FOXP1: variants seen among roughly 807,000 people sequenced by gnomAD.
FOXP1 encodes forkhead box protein P1.
Under a neutral mutation model 98.2 loss-of-function variants are expected in FOXP1, and 15 were observed. The ratio of observed to expected loss-of-function variants is 0.15; its 90% CI spans 0.10 to 0.24. FOXP1 has a LOEUF of 0.24. FOXP1 is among the 10% of genes least tolerant of loss of function. The pLI is 1.00. For missense variants in FOXP1, 633 were observed against 848.5 expected (o/e 0.75, Z 3.15); for synonymous variants, 371 against 314.5 (o/e 1.18, Z -1.90).
At chr3:71,445,672 TCAATA>T (rs956945633) in intron 3 of FOXP1, among the ~76,000 whole-genome samples, 1 of 150,606 alleles carries the variant, frequency 6.6e-6, no homozygotes, top group Admixed American at 6.6e-5. Flanking sequence ...TAAATATCTA[TCAATA>T]GATATTTATA....
chr3:71,183,482 G>C (rs1306797392), intron 6 of FOXP1, among the ~76,000 whole-genome samples: 1 of 152,132 alleles, frequency 6.6e-6, no homozygotes, highest in Non-Finnish European at 1.5e-5. Flanking sequence ...CTGGGCGACA[G>C]AGTAACACCC....
chr3:71,115,897 T>C lies in FOXP1; in HGVS notation c.181-3260A>G, dbSNP rs1236321865. The stretch of plus-strand genomic sequence containing the variant: ...GACTACAGGCACCTGCCACCATGCC[T>C]TGCTAGCTTTTGTATTTTTAGTAGA... On this transcript the variant is annotated intron_variant, in intron 6 of 20. Coordinates refer to ENST00000649528, the MANE Select transcript of FOXP1 (RefSeq NM_001349338.3). Among the ~76,000 whole-genome samples the C allele has an allele frequency of 2.6e-5, 4 of 152,084 alleles. No individual in the cohort carries two copies. In the East Asian group the frequency reaches 7.8e-4, roughly 30 times the overall value.
At chr3:71,446,649 A>C (rs1560499726) in intron 3 of FOXP1, among the ~76,000 whole-genome samples, 3 of 152,260 alleles carry the variant, frequency 2.0e-5, no homozygotes, top group African/African-American at 7.2e-5. Context: ...TCATGTTCTT[A>C]CAATTCACTC....
intron 5 of FOXP1, among the ~76,000 whole-genome samples, chr3:71,236,633 G>A (rs1165877376): frequency 6.6e-6 from 1 of 152,188 alleles, no homozygotes; most frequent in East Asian, 1.9e-4. Flanking sequence ...ACTTTGGGAG[G>A]ACAAGGCAGG....
At chr3:71,164,046 C>T (rs1423896952) in intron 6 of FOXP1, among the ~76,000 whole-genome samples, 1 of 152,126 alleles carries the variant, frequency 6.6e-6, no homozygotes, top group South Asian at 2.1e-4. Context: ...AGCTCAATCC[C>T]ATGCCATCAG....
chr3:70,984,348 TTAC>T (rs1397144309), intron 14 of FOXP1, among the ~76,000 whole-genome samples: 1 of 152,240 alleles, frequency 6.6e-6, no homozygotes, highest in Non-Finnish European at 1.5e-5. Flanking sequence ...GGCTGACCTC[TTAC>T]CATTTCTTCC....
At chr3:71,279,189 A>G (rs528092245) in intron 5 of FOXP1, among the ~76,000 whole-genome samples, 28 of 151,726 alleles carry the variant, frequency 1.8e-4, no homozygotes, top group East Asian at 1.7e-3. Context: ...AAAAAAAAAA[A>G]AAAAGAAAGA....
intron 7 of FOXP1, among the ~76,000 whole-genome samples, chr3:71,101,251 T>C (rs964583820): frequency 5.9e-5 from 9 of 152,118 alleles, no homozygotes; most frequent in Non-Finnish European, 1.3e-4. Flanking sequence ...GGATTAGAGA[T>C]ACTGAAATTC....
chr3:71,306,631 C>CAAAAAA (rs66479255), intron 4 of FOXP1, among the ~76,000 whole-genome samples: 4 of 42,832 alleles, frequency 9.3e-5, no homozygotes, highest in African/African-American at 1.7e-4. Flanking sequence ...GAGAATAAGC[C>CAAAAAA]AAAAAAAAAA....
chr3:71,462,911 C>A (rs2088291115), intron 3 of FOXP1, among the ~76,000 whole-genome samples: 1 of 152,186 alleles, frequency 6.6e-6, no homozygotes, highest in Non-Finnish European at 1.5e-5. Context: ...CAATGCTATG[C>A]CAAAGACAGC....
intron 17 of FOXP1, 112 bp from the exon 18 acceptor site, chr3:70,972,788 GTAGC>G: frequency 1.9e-6 from 2 of 1,079,518 alleles, no homozygotes; most frequent in South Asian, 1.4e-5. Flanking sequence ...CCCAAGAGCT[GTAGC>G]TACCACCCCC....
rs1491268847 is a variant in FOXP1 at position 71,308,749 on chromosome 3, A to ATATGTGTG, written c.-72-8870_-72-8869insCACACATA. Reference sequence around the variant, plus strand: ...AATTATTATGAAGCATTCTACCACAATGTGTGTGTGTGTGTGTGTGTGTGT... The same window carrying ATATGTGTG: ...AATTATTATGAAGCATTCTACCACAATATGTGTGTGTGTGTGTGTGTGTGTGTGTGTGT... On this transcript the variant is annotated intron_variant, in intron 4 of 20. Coordinates refer to ENST00000649528, the MANE Select transcript of FOXP1 (RefSeq NM_001349338.3). Among the ~76,000 whole-genome samples, 13 of 132,288 alleles carry ATATGTGTG rather than the reference A, an allele frequency of 9.8e-5. No homozygotes were observed. In the East Asian group the frequency reaches 3.0e-3, roughly 31 times the overall value. The allele number at this position is 132,288 out of a possible 152,430, so 86.8% of individuals were successfully genotyped here. A position where few individuals can be genotyped will look rare whatever the true frequency, so the allele number is the denominator to read the frequency against.
intron 3 of FOXP1, among the ~76,000 whole-genome samples, chr3:71,482,290 G>A (rs2090334183): frequency 6.6e-6 from 1 of 151,684 alleles, no homozygotes; most frequent in African/African-American, 2.4e-5. Context: ...AATATCATCT[G>A]AGAAGCCAGA....
intron 4 of FOXP1, among the ~76,000 whole-genome samples, chr3:71,308,535 G>A (rs927496488): frequency 6.6e-6 from 1 of 152,000 alleles, no homozygotes; most frequent in Non-Finnish European, 1.5e-5. Flanking sequence ...GACTAAACCC[G>A]GCAGAGATTT....
At chr3:71,257,343 G>A (rs1355261387) in intron 5 of FOXP1, among the ~76,000 whole-genome samples, 1 of 152,090 alleles carries the variant, frequency 6.6e-6, no homozygotes, top group Admixed American at 6.5e-5. Flanking sequence ...TTGGGAGGCC[G>A]AGATGGGCAG....
At chr3:70,971,113 C>G (rs890250522) in intron 18 of FOXP1, 3 of 382,990 alleles carry the variant, frequency 7.8e-6, no homozygotes, top group Non-Finnish European at 1.5e-5. Context: ...CTCCAGACTC[C>G]AACAGAAAGG....
At chr3:71,253,220 G>C (rs2068351123) in intron 5 of FOXP1, among the ~76,000 whole-genome samples, 1 of 152,200 alleles carries the variant, frequency 6.6e-6, no homozygotes, top group Non-Finnish European at 1.5e-5. Context: ...TTAAAAGGCA[G>C]GTTGGTGTGT....
intron 3 of FOXP1, among the ~76,000 whole-genome samples, chr3:71,397,418 T>A (rs566413058): frequency 2.8e-4 from 42 of 152,152 alleles, no homozygotes; most frequent in Admixed American, 2.2e-3. Flanking sequence ...CCAAGTGATA[T>A]CCTGAATGTA....
At position 71,024,591 on chromosome 3, in the gene FOXP1, C is replaced by G. The variant is rs144412741; in HGVS notation, c.870-8938G>C. Among the ~76,000 whole-genome samples, 348 of 152,260 alleles carry G rather than the reference C, an allele frequency of 2.3e-3. 2 individuals are homozygous for G. Among genetic ancestry groups the G allele is most frequent in the Middle Eastern group, 6.8e-3 (2 of 294 alleles). ...GCAGGGAATCCTTGACTCTCCTTCC[C>G]CAGAACGCTCATCATCTCAATTTTC... On this transcript the variant is annotated intron_variant, in intron 11 of 20. Transcript: ENST00000649528.
Sources: allele counts gnomAD v4.1 joint callset (sites outside exome capture counted in the v4.1 genomes callset), GRCh38; gene constraint gnomAD v4.1.1; transcripts MANE v1.5; gene names NCBI Gene and HGNC (gene_info 2026-07-23, HGNC 2026-07-21).